The following RALA variants were observed in gnomAD, a reference collection of about 807,000 sequenced individuals.
RALA encodes the protein ras-related protein Ral-A.
A neutral mutation model predicts 24.0 loss-of-function variants in RALA; 5 were observed. The observed-to-expected ratio is 0.21, with a 90% confidence interval of 0.11 to 0.44. The LOEUF (loss-of-function observed/expected upper bound fraction) is 0.44. Ranked by LOEUF, RALA falls within the 20% of genes least tolerant of loss-of-function variation. The pLI is 0.99. For missense variants in RALA, 95 were observed against 241.2 expected (o/e 0.39, Z 4.01); for synonymous variants, 77 against 83.8 (o/e 0.92, Z 0.44).
At chr7:39,668,438 T>A (rs1332511403) in intron 1 of RALA, among the ~76,000 whole-genome samples, 1 of 152,238 alleles carries the variant, frequency 6.6e-6, no homozygotes, top group South Asian at 2.1e-4. Flanking sequence ...TTATGGTAAG[T>A]TAATTGCTTT....
Position 39,706,107 on chromosome 7 carries a change from T to C in RALA, c.499-16T>C, listed in dbSNP as rs1408454373. Reference sequence around the variant, plus strand: ...GTATCTGTTTGCTTTATTTATCCTATTTTTTTTCTTTCTAGGTATTTTTTG... The same window carrying C: ...GTATCTGTTTGCTTTATTTATCCTACTTTTTTTCTTTCTAGGTATTTTTTG... On this transcript the variant is annotated splice_polypyrimidine_tract_variant and intron_variant, in intron 4 of 4. Coordinates refer to ENST00000005257, the MANE Select transcript of RALA (RefSeq NM_005402.4). The C allele has an allele frequency of 1.3e-6, 2 of 1,575,332 alleles. No homozygotes were observed. The highest frequency in any genetic ancestry group is 1.7e-6 in the Non-Finnish European group (2 of 1,156,078).
At chr7:39,643,672 A>G (rs1023575866) in intron 1 of RALA, among the ~76,000 whole-genome samples, 4 of 132,266 alleles carry the variant, frequency 3.0e-5, no homozygotes, top group African/African-American at 7.8e-5. Flanking sequence ...CCCGGCCTAC[A>G]TATCAAAACC....
intron 4 of RALA, 39 bp downstream of exon 4, chr7:39,696,898 A>T: frequency 6.4e-7 from 1 of 1,560,884 alleles, no homozygotes; most frequent in South Asian, 1.2e-5. Flanking sequence ...ATGTTAAAAT[A>T]GGTTGGTTTG....
In RALA at chr7:39,686,740, G is replaced by A. The variant is rs1554297905; in HGVS notation, c.73G>A (p.Val25Met). Residue 25 changes from valine (V) to methionine (M), a missense_variant, in exon 2 of 5, where the codon GTG becomes ATG. Val to Met is a conservative substitution (Grantham distance 21). Coordinates refer to ENST00000005257, the MANE Select transcript of RALA (RefSeq NM_005402.4). Reference protein sequence around the residue: ...HKVIMVGSGGVGKSALTLQFM... With the variant: ...HKVIMVGSGGMGKSALTLQFM... ...AGTCATCATGGTGGGCAGTGGTGGC[G>A]TGGGCAAGTCAGCTCTGACTCTACA... is the stretch of plus-strand genomic sequence containing the variant. 6.2e-7 allele frequency: 1 copy of A among 1,614,116 alleles called. No homozygotes were observed. Among genetic ancestry groups the A allele is most frequent in the Non-Finnish European group, 8.5e-7 (1 of 1,179,996 alleles).
chr7:39,637,702 A>T (rs1258897353), intron 1 of RALA, among the ~76,000 whole-genome samples: 1 of 152,260 alleles, frequency 6.6e-6, no homozygotes, highest in Non-Finnish European at 1.5e-5. Flanking sequence ...GTTTCAAATG[A>T]GAGTGCTATT....
intron 1 of RALA, among the ~76,000 whole-genome samples, chr7:39,672,648 G>A (rs1206798069): frequency 4.1e-5 from 3 of 72,662 alleles, no homozygotes; most frequent in East Asian, 1.2e-3. Context: ...CTATTCAGTC[G>A]TAAAAAAAAA....
intron 1 of RALA, among the ~76,000 whole-genome samples, chr7:39,678,067 T>G (rs1792520412): frequency 7.1e-6 from 1 of 140,926 alleles, no homozygotes; most frequent in African/African-American, 2.6e-5. Flanking sequence ...GGGGGAGGGA[T>G]AGCATTGGGA....
Position 39,665,487 on chromosome 7 carries a change from G to T in RALA, c.-37-21144G>T, listed in dbSNP as rs74904918. Among the ~76,000 whole-genome samples, 627 of 152,268 alleles carry T rather than the reference G, an allele frequency of 4.1e-3. 8 individuals are homozygous for T. Among genetic ancestry groups the T allele is most frequent in the Middle Eastern group, 0.02 (6 of 294 alleles). Reference sequence around the variant, plus strand: ...AAAGTTGGATTTTCGACTGCACACAGTGGGGTTGGGGGAGTTGGTTCAGTA... The same window carrying T: ...AAAGTTGGATTTTCGACTGCACACATTGGGGTTGGGGGAGTTGGTTCAGTA... On this transcript the variant is annotated intron_variant, in intron 1 of 4. Coordinates refer to ENST00000005257, the MANE Select transcript of RALA (RefSeq NM_005402.4).
At chr7:39,668,237 G>A (rs1792317282) in intron 1 of RALA, among the ~76,000 whole-genome samples, 1 of 152,212 alleles carries the variant, frequency 6.6e-6, no homozygotes, top group South Asian at 2.1e-4. Flanking sequence ...TACTAGCATA[G>A]TTACTGTGCT....
At chr7:39,672,714 G>C (rs1012308779) in intron 1 of RALA, among the ~76,000 whole-genome samples, 2 of 150,122 alleles carry the variant, frequency 1.3e-5, no homozygotes, top group African/African-American at 4.9e-5. Flanking sequence ...CAAAAGCCTT[G>C]TCTAACAGAA....
intron 1 of RALA, among the ~76,000 whole-genome samples, chr7:39,665,519 T>A (rs1055977547): frequency 6.6e-6 from 1 of 152,076 alleles, no homozygotes; most frequent in African/African-American, 2.4e-5. Flanking sequence ...AGTACCCCAA[T>A]CCCTGTGTTA....
intron 4 of RALA, among the ~76,000 whole-genome samples, chr7:39,700,109 A>G (rs900573500): frequency 1.3e-5 from 2 of 152,182 alleles, no homozygotes; most frequent in African/African-American, 2.4e-5. Flanking sequence ...AGGTACGACT[A>G]TGTTACTTTT....
intron 4 of RALA, chr7:39,700,726 A>G (rs768528029): frequency 1.3e-5 from 2 of 152,224 alleles, no homozygotes; most frequent in Non-Finnish European, 2.9e-5. Flanking sequence ...GGCCAGTTTC[A>G]GTTAATACAG....
chr7:39,669,080 C>A (rs931757958), intron 1 of RALA, among the ~76,000 whole-genome samples: 2 of 152,110 alleles, frequency 1.3e-5, no homozygotes, highest in African/African-American at 2.4e-5. Context: ...CACCACTGCA[C>A]TCCGGCCTAG....
At chr7:39,662,334 C>G (rs1005063502) in intron 1 of RALA, among the ~76,000 whole-genome samples, 3 of 152,154 alleles carry the variant, frequency 2.0e-5, no homozygotes, top group East Asian at 1.9e-4. Flanking sequence ...TTTCTGCAGA[C>G]GGCTTGAATT....
chr7:39,679,614 T>A (rs1792551041), intron 1 of RALA, among the ~76,000 whole-genome samples: 1 of 152,204 alleles, frequency 6.6e-6, no homozygotes, highest in Non-Finnish European at 1.5e-5. Flanking sequence ...AGAAGTGCAG[T>A]ATAGCTTTTT....
chr7:39,668,883 A>G (rs1458655962), intron 1 of RALA, among the ~76,000 whole-genome samples: 1 of 151,738 alleles, frequency 6.6e-6, no homozygotes, highest in Non-Finnish European at 1.5e-5. Context: ...TAGGAGGCCA[A>G]GGCGGGCGGA....
At chr7:39,675,571 C>G (rs1792469862) in intron 1 of RALA, among the ~76,000 whole-genome samples, 1 of 151,940 alleles carries the variant, frequency 6.6e-6, no homozygotes, top group Non-Finnish European at 1.5e-5. Flanking sequence ...CTACAAAATA[C>G]TTTAAAAATT....
At chr7:39,640,483 GTTAT>G (rs1261601541) in intron 1 of RALA, among the ~76,000 whole-genome samples, 2 of 152,226 alleles carry the variant, frequency 1.3e-5, no homozygotes, top group East Asian at 1.9e-4. Context: ...TTTAAATTGG[GTTAT>G]TTATTTTCTT....
Sources: allele counts gnomAD v4.1 joint callset (sites outside exome capture counted in the v4.1 genomes callset), GRCh38; gene constraint gnomAD v4.1.1; transcripts MANE v1.5; gene names NCBI Gene and HGNC (gene_info 2026-07-23, HGNC 2026-07-21).